The following SMCO4 variants were observed in gnomAD, a reference collection of about 807,000 sequenced individuals.
SMCO4 encodes single-pass membrane and coiled-coil domain-containing protein 4.
In SMCO4, 4 loss-of-function variants were observed where a neutral mutation model predicts 3.6. The ratio of observed to expected loss-of-function variants is 1.11; its 90% confidence interval spans 0.54 to 2.53. The LOEUF (loss-of-function observed/expected upper bound fraction) is 2.53. SMCO4 is among the 30% of genes most tolerant of loss of function. SMCO4 has a pLI of 0.02. For synonymous variants in SMCO4, 36 were observed against 35.3 expected, an observed-to-expected ratio of 1.02 and a Z score of -0.07; for missense variants, 70 against 80.8, an observed-to-expected ratio of 0.87 and a Z score of 0.51.
chr11:93,529,665 T>C (rs1949144683), intron 1 of SMCO4, among the ~76,000 whole-genome samples: 1 of 152,128 alleles, frequency 6.6e-6, no homozygotes, highest in Non-Finnish European at 1.5e-5. Flanking sequence ...GGAAATTAAA[T>C]GTCAACCAAA....
chr11:93,479,218 T>C lies in SMCO4; in HGVS notation c.-29A>G, dbSNP rs1948562604. ...TCCTAGAGGATGCTAGGAGGGTGTG[T>C]CCAGAGGGATTCCAGGAAGGGCCAC... On this transcript the variant is annotated 5_prime_UTR_variant, in exon 3 of 3. Coordinates refer to ENST00000298966, the MANE Select transcript of SMCO4 (RefSeq NM_020179.3). 2 of 1,600,518 alleles carry C rather than the reference T, an allele frequency of 1.2e-6. No homozygotes were observed. The highest frequency in any genetic ancestry group is 1.7e-6 in the Non-Finnish European group (2 of 1,171,316).
intron 1 of SMCO4, among the ~76,000 whole-genome samples, chr11:93,535,247 C>T (rs1434349858): frequency 6.6e-6 from 1 of 152,224 alleles, no homozygotes; most frequent in Non-Finnish European, 1.5e-5. Flanking sequence ...AAATCAGGAG[C>T]TCTTGCTTCC....
intron 1 of SMCO4, among the ~76,000 whole-genome samples, chr11:93,535,157 G>A (rs1949206986): frequency 6.6e-6 from 1 of 152,142 alleles, no homozygotes; most frequent in Non-Finnish European, 1.5e-5. Context: ...TGAAAGGTTT[G>A]GAGAAATACT....
chr11:93,553,774 A>C, the SMCO4 span, among the ~76,000 whole-genome samples: 1 of 152,354 alleles, frequency 6.6e-6, no homozygotes, highest in Middle Eastern at 3.4e-3. Flanking sequence ...TAAGTAGTCC[A>C]AGGGCTTCAT....
chr11:93,478,757 G>A lies in SMCO4; in HGVS notation c.*253C>T, dbSNP rs917791097. 4.1e-4 allele frequency: 333 copies of A among 807,258 alleles called. No individual in the cohort carries two copies. The highest frequency in any genetic ancestry group is 5.0e-4 in the Non-Finnish European group (294 of 589,256). 50.0% of individuals were successfully genotyped at this position (807,258 alleles called of 1,614,324 possible). A position where few individuals can be genotyped will look rare whatever the true frequency, so the allele number is the denominator to read the frequency against. ...CACACACACACACACACACACATGC[G>A]CGCGCGCTTTGAAGTCTGAAAGGCA... On this transcript the variant is annotated 3_prime_UTR_variant, in exon 3 of 3. Coordinates refer to ENST00000298966, the MANE Select transcript of SMCO4 (RefSeq NM_020179.3).
At chr11:93,507,951 ATGTT>A (rs1379831187) in intron 1 of SMCO4, among the ~76,000 whole-genome samples, 2 of 152,194 alleles carry the variant, frequency 1.3e-5, no homozygotes, top group African/African-American at 2.4e-5. Flanking sequence ...TTCTCACTAA[ATGTT>A]TGTGCTTTGG....
intron 1 of SMCO4, among the ~76,000 whole-genome samples, chr11:93,506,154 A>G (rs925322000): frequency 6.6e-6 from 1 of 152,160 alleles, no homozygotes; most frequent in Non-Finnish European, 1.5e-5. Flanking sequence ...GGTGAAGATG[A>G]ATGTTCCGGG....
intron 2 of SMCO4, among the ~76,000 whole-genome samples, chr11:93,479,995 T>G (rs1410221232): frequency 6.6e-6 from 1 of 152,140 alleles, no homozygotes. Context: ...GGGATTCTCC[T>G]GTTAATTCTG....
chr11:93,538,261 T>C (rs530333779), intron 1 of SMCO4, among the ~76,000 whole-genome samples: 1 of 152,292 alleles, frequency 6.6e-6, no homozygotes, highest in African/African-American at 2.4e-5. Context: ...GGGCTGGCCA[T>C]TATGTTCACT....
At chr11:93,531,912 T>G (rs188941912) in intron 1 of SMCO4, among the ~76,000 whole-genome samples, 1 of 152,316 alleles carries the variant, frequency 6.6e-6, no homozygotes, top group East Asian at 1.9e-4. Context: ...ATGCAACCAT[T>G]TGTCTCTTAT....
At chr11:93,534,375 T>TATATATATATATAG (rs369643237) in intron 1 of SMCO4, among the ~76,000 whole-genome samples, 1 of 142,132 alleles carries the variant, frequency 7.0e-6, no homozygotes, top group Non-Finnish European at 1.5e-5. Flanking sequence ...TATATATATA[T>TATATATATATATAG]AGAGAGAGAG....
intron 1 of SMCO4, among the ~76,000 whole-genome samples, chr11:93,525,863 T>G (rs949993791): frequency 1.3e-5 from 2 of 152,158 alleles, no homozygotes; most frequent in Non-Finnish European, 2.9e-5. Flanking sequence ...AAACGTGCAC[T>G]GCAACAGTGA....
At chr11:93,527,256 T>C (rs1204362017) in intron 1 of SMCO4, among the ~76,000 whole-genome samples, 1 of 152,184 alleles carries the variant, frequency 6.6e-6, no homozygotes. Flanking sequence ...ATACCACAGA[T>C]CCCAGGAACC....
chr11:93,515,687 G>A (rs914794036), intron 1 of SMCO4, among the ~76,000 whole-genome samples: 1 of 152,196 alleles, frequency 6.6e-6, no homozygotes, highest in Non-Finnish European at 1.5e-5. Context: ...CCTCCAGACA[G>A]GAAACCAGGG....
chr11:93,511,166 A>T (rs982006937), intron 1 of SMCO4, among the ~76,000 whole-genome samples: 1 of 152,132 alleles, frequency 6.6e-6, no homozygotes, highest in Non-Finnish European at 1.5e-5. Flanking sequence ...AACATGTCCA[A>T]TTAAAAAAAA....
upstream of SMCO4, among the ~76,000 whole-genome samples, chr11:93,545,837 G>C (rs751370080): frequency 1.3e-5 from 2 of 152,168 alleles, no homozygotes; most frequent in Non-Finnish European, 2.9e-5. Context: ...ACAAGCAGGG[G>C]CTTTCGATGT....
At chr11:93,496,443 T>C (rs1370910503) in intron 2 of SMCO4, among the ~76,000 whole-genome samples, 1 of 152,188 alleles carries the variant, frequency 6.6e-6, no homozygotes, top group Non-Finnish European at 1.5e-5. Flanking sequence ...AAAGGGACTA[T>C]GGTAGAAGTA....
At chr11:93,546,786 G>A (rs367546644), upstream of SMCO4, among the ~76,000 whole-genome samples, 11 of 151,034 alleles carry the variant, frequency 7.3e-5, no homozygotes, top group South Asian at 4.2e-4. Context: ...AAATCTAAAC[G>A]ATTATACATG....
At chr11:93,553,806 C>T in the SMCO4 span, among the ~76,000 whole-genome samples, 2 of 152,168 alleles carry the variant, frequency 1.3e-5, no homozygotes, top group East Asian at 1.9e-4. Context: ...GCCTATAATA[C>T]CAAAAAGTCA....
Sources: gnomAD v4.1 joint callset for allele counts (sites outside exome capture counted in the v4.1 genomes callset) on GRCh38, gnomAD v4.1.1 for gene constraint, MANE v1.5 for transcripts, NCBI Gene and HGNC (gene_info 2026-07-23, HGNC 2026-07-21) for gene names.